The following PDE1C variants were observed in gnomAD, a reference collection of about 807,000 sequenced individuals.
The protein encoded by PDE1C is phosphodiesterase 1C.
Under a neutral mutation model 93.1 loss-of-function variants are expected in PDE1C, and 62 were observed. The ratio of observed to expected loss-of-function variants is 0.67; its 90% confidence interval spans 0.54 to 0.82. PDE1C has a LOEUF of 0.82. PDE1C is among the 40% of genes least tolerant of loss of function. The pLI is 0.00. For synonymous variants in PDE1C, 325 were observed against 310.1 expected (o/e 1.05, Z -0.50); for missense variants, 742 against 884.6 (o/e 0.84, Z 2.04).
chr7:32,121,076 A>G (rs537532711), intron 3 of PDE1C, among the ~76,000 whole-genome samples: 4 of 152,318 alleles, frequency 2.6e-5, no homozygotes, highest in South Asian at 4.1e-4. Context: ...AAGAACTTCA[A>G]GAAGCATACA....
intron 2 of PDE1C, among the ~76,000 whole-genome samples, chr7:31,997,209 G>C (rs1482087734): frequency 1.3e-5 from 2 of 152,136 alleles, no homozygotes; most frequent in African/African-American, 4.8e-5. Flanking sequence ...TACAACATTG[G>C]ACAAATTACT....
intron 1 of PDE1C, among the ~76,000 whole-genome samples, chr7:32,267,586 A>ACACACT (rs1442508353): frequency 8.5e-6 from 1 of 117,536 alleles, no homozygotes; most frequent in Non-Finnish European, 1.8e-5. Context: ...ACACACACAC[A>ACACACT]CTCTCTCTCT....
At chr7:31,865,906 T>C (rs1795232085) in intron 6 of PDE1C, among the ~76,000 whole-genome samples, 1 of 152,252 alleles carries the variant, frequency 6.6e-6, no homozygotes, top group Admixed American at 6.5e-5. Flanking sequence ...CTGCATAGTA[T>C]GTATTCATTT....
rs541931359 is a variant in PDE1C, at chr7:32,313,914, A to G, written c.311-104375T>C. Among the ~76,000 whole-genome samples the G allele has an allele frequency of 2.6e-5, 4 of 152,214 alleles. No homozygotes were observed. The South Asian group carries it at 8.3e-4, about 32-fold the overall frequency. On this transcript the variant is annotated intron_variant, in intron 1 of 1. Transcript: ENST00000672256. ...AAACTTAAAGTATAATAATAATAAAATAAAATAAAATAAAAGATGCTAGGT... is the reference window on the plus strand; with the variant it reads ...AAACTTAAAGTATAATAATAATAAAGTAAAATAAAATAAAAGATGCTAGGT...
intron 12 of PDE1C, among the ~76,000 whole-genome samples, chr7:31,825,923 A>G (rs1045083330): frequency 3.3e-5 from 5 of 152,114 alleles, no homozygotes; most frequent in Non-Finnish European, 7.4e-5. Context: ...TCTAGATGGG[A>G]GAGGGCAAAC....
At position 32,251,481 on chromosome 7, in the gene PDE1C, G is replaced by A. The variant is rs186473743; in HGVS notation, c.86-41942C>T. 3.9e-5 allele frequency among the ~76,000 whole-genome samples: 6 copies of A among 151,978 alleles called. No homozygotes were observed. The East Asian group carries it at 7.8e-4, about 20-fold the overall frequency. The stretch of plus-strand genomic sequence containing the variant: ...TCCATTACCAAGTCCTGTCAATTCC[G>A]CCTCTAGCCTGTCTGCGCCTTTCCA... On this transcript the variant is annotated intron_variant, in intron 1 of 18. Coordinates refer to the PDE1C transcript ENST00000396193.
chr7:32,267,908 C>G (rs548023175), intron 1 of PDE1C, among the ~76,000 whole-genome samples: 7 of 152,280 alleles, frequency 4.6e-5, no homozygotes, highest in African/African-American at 1.4e-4. Flanking sequence ...GGGGATTATT[C>G]TCCCCATTTT....
At chr7:32,090,066 T>C (rs1395751986) in intron 3 of PDE1C, among the ~76,000 whole-genome samples, 1 of 152,182 alleles carries the variant, frequency 6.6e-6, no homozygotes, top group East Asian at 1.9e-4. Flanking sequence ...CAAAAGAAAA[T>C]GTTTTCCTGA....
intron 3 of PDE1C, among the ~76,000 whole-genome samples, chr7:32,156,159 T>C (rs1304948179): frequency 6.6e-6 from 1 of 152,218 alleles, no homozygotes; most frequent in Non-Finnish European, 1.5e-5. Flanking sequence ...CTGGGATTCA[T>C]GTGCAGGACA....
intron 2 of PDE1C, among the ~76,000 whole-genome samples, chr7:31,896,132 A>C (rs1799301744): frequency 6.6e-6 from 1 of 152,114 alleles, no homozygotes; most frequent in African/African-American, 2.4e-5. Context: ...CATCTGAATA[A>C]ATCTGGCCCT....
intron 2 of PDE1C, among the ~76,000 whole-genome samples, chr7:32,194,426 A>G (rs779132601): frequency 1.3e-4 from 20 of 152,150 alleles, no homozygotes; most frequent in Non-Finnish European, 2.4e-4. Context: ...AGATTTTTCT[A>G]TTTCTCATTT....
chr7:32,117,367 G>C (rs1446041450), intron 3 of PDE1C, among the ~76,000 whole-genome samples: 1 of 152,196 alleles, frequency 6.6e-6, no homozygotes, highest in African/African-American at 2.4e-5. Context: ...TTTCACATAT[G>C]AGATTCCTTC....
At chr7:32,197,446 G>T (rs534670060) in intron 2 of PDE1C, among the ~76,000 whole-genome samples, 21 of 152,144 alleles carry the variant, frequency 1.4e-4, no homozygotes, top group Admixed American at 1.2e-3. Flanking sequence ...CCATTCAGAG[G>T]TATATAAGCA....
intron 3 of PDE1C, among the ~76,000 whole-genome samples, chr7:32,138,383 A>G (rs1201043254): frequency 6.6e-6 from 1 of 152,210 alleles, no homozygotes; most frequent in Non-Finnish European, 1.5e-5. Flanking sequence ...TATTATTAAT[A>G]ATGTCAGTAC....
At chr7:31,720,875 G>A in the PDE1C span, among the ~76,000 whole-genome samples, 1 of 152,076 alleles carries the variant, frequency 6.6e-6, no homozygotes, top group Non-Finnish European at 1.5e-5. Context: ...GTGGAGTTAC[G>A]AAGAATCAGT....
At chr7:32,053,272 G>T (rs565108611) in intron 1 of PDE1C, among the ~76,000 whole-genome samples, 3 of 152,056 alleles carry the variant, frequency 2.0e-5, no homozygotes, top group Non-Finnish European at 4.4e-5. Context: ...GCTCCCCAAG[G>T]GCAAGTTCTT....
chr7:32,150,942 G>T (rs1801211119), intron 3 of PDE1C, among the ~76,000 whole-genome samples: 1 of 152,100 alleles, frequency 6.6e-6, no homozygotes, highest in African/African-American at 2.4e-5. Flanking sequence ...GCTGAGAGGA[G>T]GAAGCAGCTT....
intron 2 of PDE1C, among the ~76,000 whole-genome samples, chr7:32,208,826 T>TA (rs1164864409): frequency 6.6e-6 from 1 of 152,152 alleles, no homozygotes; most frequent in African/African-American, 2.4e-5. Flanking sequence ...CTCCTACTCA[T>TA]AGGGATCAAG....
At chr7:31,818,661 G>A (rs577082550) in intron 14 of PDE1C, among the ~76,000 whole-genome samples, 15 of 152,208 alleles carry the variant, frequency 9.9e-5, no homozygotes, top group East Asian at 5.8e-4. Context: ...AACCAATAAC[G>A]TAGGTGAGTA....
Sources: gnomAD v4.1 joint callset for allele counts (sites outside exome capture counted in the v4.1 genomes callset) on GRCh38, gnomAD v4.1.1 for gene constraint, MANE v1.5 for transcripts, NCBI Gene and HGNC (gene_info 2026-07-23, HGNC 2026-07-21) for gene names.